The following HTR5A variants were observed in gnomAD, a reference collection of about 807,000 sequenced individuals.
HTR5A encodes 5-hydroxytryptamine receptor 5A, also known as 5-HT-5.
In HTR5A, 21 loss-of-function variants were observed where a neutral mutation model predicts 24.3. That is an observed-to-expected ratio of 0.86 (90% confidence interval 0.61 to 1.24). HTR5A has a LOEUF of 1.24. Among genes scored for constraint, HTR5A ranks in the 50% most tolerant of loss-of-function variants. HTR5A has a pLI of 0.00. For synonymous variants in HTR5A, 260 were observed against 213.7 expected (o/e 1.22, Z -1.89); for missense variants, 497 against 489.5 (o/e 1.02, Z -0.15).
In HTR5A at chr7:155,086,608, T is replaced by C. The variant is rs551733171; in HGVS notation, c.*2121T>C. Among the ~76,000 whole-genome samples the C allele has an allele frequency of 6.6e-6, 1 of 152,226 alleles. No homozygotes were observed. Among genetic ancestry groups the C allele is most frequent in the Non-Finnish European group, 1.5e-5 (1 of 68,034 alleles). On this transcript the variant is annotated 3_prime_UTR_variant, in exon 2 of 2. Coordinates refer to ENST00000287907, the MANE Select transcript of HTR5A (RefSeq NM_024012.4). ...AACACCTCTCAGGTGTCACTTAAAT[T>C]ATACATTATATACAACATACTCCAC...
intron 1 of HTR5A, among the ~76,000 whole-genome samples, chr7:155,073,761 ACT>A (rs1406276464): frequency 1.3e-5 from 2 of 151,076 alleles, no homozygotes; most frequent in Non-Finnish European, 2.9e-5. Flanking sequence ...GATGAAGGGC[ACT>A]CTCATTTCTC....
At chr7:155,082,180 G>T (rs1333591503) in intron 1 of HTR5A, among the ~76,000 whole-genome samples, 1 of 151,108 alleles carries the variant, frequency 6.6e-6, no homozygotes, top group East Asian at 2.0e-4. Context: ...TCCACACTGT[G>T]AACAGCATCC....
chr7:155,073,299 C>T lies in HTR5A; in HGVS notation c.741+1659C>T, dbSNP rs533014511. ...TTGCGCCACTGCACTCCAGCCTGGG[C>T]GACAGAGTGAGACTCTGTCTCAAGA... On this transcript the variant is annotated intron_variant, in intron 1 of 1. Transcript: ENST00000287907. Among the ~76,000 whole-genome samples, 26 of 116,430 alleles carry T rather than the reference C, an allele frequency of 2.2e-4. No individual in the cohort carries two copies. The East Asian group carries it at 6.1e-3, about 27-fold the overall frequency. The allele number at this position is 116,430 out of a possible 152,430, so 76.4% of individuals were successfully genotyped here. A position where few individuals can be genotyped will look rare whatever the true frequency, so the allele number is the denominator to read the frequency against.
intron 1 of HTR5A, among the ~76,000 whole-genome samples, chr7:155,082,467 T>C (rs955459119): frequency 1.3e-5 from 2 of 152,188 alleles, no homozygotes; most frequent in African/African-American, 4.8e-5. Flanking sequence ...ATAACCAGCA[T>C]CTCCAGTGTT....
Position 155,084,629 on chromosome 7 carries a change from G to T in HTR5A, c.*142G>T. ...CAGGGTCATCTTCAGAACTGCACTG[G>T]CCTCTTTTCCACCTCCTCAGTAGGA... On this transcript the variant is annotated 3_prime_UTR_variant, in exon 2 of 2. Transcript: ENST00000287907. 1 of 699,596 alleles carries T rather than the reference G, an allele frequency of 1.4e-6. No homozygotes were observed. Among genetic ancestry groups the T allele is most frequent in the Non-Finnish European group, 2.4e-6 (1 of 419,876 alleles). 43.3% of individuals were successfully genotyped at this position (699,596 alleles called of 1,614,324 possible).
rs181980279 is a variant in HTR5A, at chr7:155,076,558, A to G, written c.741+4918A>G. On this transcript the variant is annotated intron_variant, in intron 1 of 1. Coordinates refer to ENST00000287907, the MANE Select transcript of HTR5A (RefSeq NM_024012.4). ...TTTTTTAGCATACCATCAACAAACA[A>G]TATTTCATTGGAATTTGGTACTAGA... Among the ~76,000 whole-genome samples the G allele has an allele frequency of 1.7e-3, 264 of 152,298 alleles. 2 individuals carry two copies. The highest frequency in any genetic ancestry group is 6.2e-3 in the African/African-American group (256 of 41,568).
chr7:155,074,942 T>G (rs566791510), intron 1 of HTR5A, among the ~76,000 whole-genome samples: 17 of 152,218 alleles, frequency 1.1e-4, no homozygotes, highest in Non-Finnish European at 2.2e-4. Flanking sequence ...TCAAGAGGTT[T>G]GAAGCCTTTT....
Position 155,083,459 on chromosome 7 carries a change from T to C in HTR5A, c.742-696T>C, listed in dbSNP as rs534441647. Among the ~76,000 whole-genome samples the C allele has an allele frequency of 3.6e-4, 55 of 152,358 alleles. No homozygotes were observed. The South Asian group carries it at 0.011, about 32-fold the overall frequency. On this transcript the variant is annotated intron_variant, in intron 1 of 1. Transcript: ENST00000287907. ...GGACCAGAAGGGAGGAAGAGCTTCC[T>C]TTCCCAGGAATTCCACTCCTTGAGA...
At chr7:155,080,681 T>C (rs1336087668) in intron 1 of HTR5A, among the ~76,000 whole-genome samples, 3 of 152,246 alleles carry the variant, frequency 2.0e-5, no homozygotes, top group South Asian at 2.1e-4. Context: ...ATGCCCATCA[T>C]CCATGATTCG....
chr7:155,077,061 A>T (rs962989984), intron 1 of HTR5A: 1 of 152,184 alleles, frequency 6.6e-6, no homozygotes, highest in Non-Finnish European at 1.5e-5. Flanking sequence ...ACTTCAATTA[A>T]ATTTTCTAGT....
At chr7:155,072,524 T>C (rs1442425510) in intron 1 of HTR5A, among the ~76,000 whole-genome samples, 2 of 152,158 alleles carry the variant, frequency 1.3e-5, no homozygotes, top group East Asian at 3.8e-4. Flanking sequence ...TGTTAACTCT[T>C]AATAATCTGA....
At chr7:155,077,515 G>T (rs1795371886) in intron 1 of HTR5A, among the ~76,000 whole-genome samples, 1 of 143,902 alleles carries the variant, frequency 6.9e-6, no homozygotes, top group African/African-American at 2.6e-5. Context: ...CTAGGCCAGA[G>T]TGCAGTGGCA....
chr7:155,074,387 T>G (rs1795338476), intron 1 of HTR5A, among the ~76,000 whole-genome samples: 2 of 152,152 alleles, frequency 1.3e-5, no homozygotes, highest in Non-Finnish European at 2.9e-5. Flanking sequence ...TAGGCACAGT[T>G]TGCCTAAGAA....
Position 155,079,239 on chromosome 7 carries a change from C to A in HTR5A, c.742-4916C>A, listed in dbSNP as rs544032773. 3.9e-5 allele frequency among the ~76,000 whole-genome samples: 6 copies of A among 152,262 alleles called. No homozygotes were observed. The South Asian group carries it at 1.2e-3, about 32-fold the overall frequency. Reference sequence around the variant, plus strand: ...AAGGGCTGGGATTACAGGCATGAGCCCCCATGCCTGGCCTAGAAAATTTCT... The same window carrying A: ...AAGGGCTGGGATTACAGGCATGAGCACCCATGCCTGGCCTAGAAAATTTCT... On this transcript the variant is annotated intron_variant, in intron 1 of 1. Coordinates refer to ENST00000287907, the MANE Select transcript of HTR5A (RefSeq NM_024012.4).
At chr7:155,084,016 G>T in intron 1 of HTR5A, 139 bp from the exon 2 acceptor site, 1 of 650,284 alleles carries the variant, frequency 1.5e-6, no homozygotes, top group Non-Finnish European at 2.6e-6. Flanking sequence ...GAGTGCCACA[G>T]GCCTTCAGGT....
rs753593458 is a variant in HTR5A at position 155,084,230 on chromosome 7, G to T, written c.817G>T (p.Asp273Tyr). 34 of 1,614,134 alleles carry T rather than the reference G, an allele frequency of 2.1e-5. No individual in the cohort carries two copies. The South Asian group carries it at 3.7e-4, about 18-fold the overall frequency. The change falls in exon 2 of 2, where the codon GAC (aspartate) becomes TAC (tyrosine). Residue 273 changes from aspartate (D) to tyrosine (Y), a missense_variant. Coordinates refer to ENST00000287907, the MANE Select transcript of HTR5A (RefSeq NM_024012.4). ...HATVTFQPEG[D>Y]TWREQKEQRA... ...CACCGTCACCTTCCAGCCAGAAGGG[G>T]ACACGTGGCGGGAGCAGAAGGAGCA...
intron 1 of HTR5A, among the ~76,000 whole-genome samples, chr7:155,073,861 G>GTGTGTATATATATATGTATATATA (rs1206853384): frequency 1.1e-4 from 7 of 64,152 alleles, no homozygotes; most frequent in African/African-American, 4.1e-4. Flanking sequence ...ATATGTGTGT[G>GTGTGTATATATATATGTATATATA]TGTGTATATA....
chr7:155,070,806 C>T lies in HTR5A; in HGVS notation c.-94C>T. 2.2e-6 allele frequency: 3 copies of T among 1,347,200 alleles called. No individual in the cohort carries two copies. Among genetic ancestry groups the T allele is most frequent in the Non-Finnish European group, 3.0e-6 (3 of 989,978 alleles). 83.5% of individuals were successfully genotyped at this position (1,347,200 alleles called of 1,614,324 possible). ...AAACTCCCCCACTGGCCAGAGGTTG[C>T]AAACATCCGGATTGGCTCTGGGCAC... On this transcript the variant is annotated 5_prime_UTR_variant, in exon 1 of 2. An upstream open reading frame in the 5' UTR gains an earlier in-frame stop. Transcript: ENST00000287907.
chr7:155,074,169 C>G (rs1168167425), intron 1 of HTR5A, among the ~76,000 whole-genome samples: 1 of 152,014 alleles, frequency 6.6e-6, no homozygotes, highest in Non-Finnish European at 1.5e-5. Flanking sequence ...AACCACAACA[C>G]TTCTCTCTTG....
Sources: allele counts gnomAD v4.1 joint callset (sites outside exome capture counted in the v4.1 genomes callset), GRCh38; gene constraint gnomAD v4.1.1; transcripts MANE v1.5; gene names NCBI Gene and HGNC (gene_info 2026-07-23, HGNC 2026-07-21).